The following CSMD1 variants were observed in gnomAD, a reference collection of about 807,000 sequenced individuals.
The protein encoded by CSMD1 is CUB and sushi domain-containing protein 1.
In CSMD1, 213 loss-of-function variants were observed where a neutral mutation model predicts 417.5. That is an observed-to-expected ratio of 0.51 (90% CI 0.46 to 0.57). CSMD1 has a LOEUF of 0.57. CSMD1 is among the 20% of genes least tolerant of loss of function. The pLI, the probability that CSMD1 is intolerant of heterozygous loss-of-function variation, is 0.00. For synonymous variants in CSMD1, 2,862 were observed against 1,736.8 expected (o/e 1.65, Z -16.11); for missense variants, 6,923 against 4,529.7 (o/e 1.53, Z -15.17).
At chr8:3,936,005 A>G (rs997497144) in intron 5 of CSMD1, among the ~76,000 whole-genome samples, 7 of 152,324 alleles carry the variant, frequency 4.6e-5, no homozygotes, top group African/African-American at 1.2e-4. Flanking sequence ...AATGCAAATG[A>G]TAAGAAAGGA....
chr8:3,956,760 G>C (rs927692591), intron 5 of CSMD1, among the ~76,000 whole-genome samples: 1 of 152,086 alleles, frequency 6.6e-6, no homozygotes, highest in East Asian at 1.9e-4. Context: ...CAACTCCAAA[G>C]CTTAGTTTTA....
At chr8:4,492,613 T>G (rs974008843) in intron 2 of CSMD1, among the ~76,000 whole-genome samples, 1 of 152,238 alleles carries the variant, frequency 6.6e-6, no homozygotes, top group Admixed American at 6.5e-5. Context: ...GGTTTAATTA[T>G]GTCCATGAAG....
chr8:4,440,333 G>T (rs576530945), intron 2 of CSMD1, among the ~76,000 whole-genome samples: 1 of 152,144 alleles, frequency 6.6e-6, no homozygotes, highest in African/African-American at 2.4e-5. Flanking sequence ...TAACTGGGAA[G>T]CATGTAAATA....
intron 3 of CSMD1, among the ~76,000 whole-genome samples, chr8:4,194,355 T>G (rs967802016): frequency 5.9e-5 from 9 of 152,180 alleles, no homozygotes; most frequent in African/African-American, 1.7e-4. Context: ...CAGACCTAAT[T>G]TGCCATGTTG....
At chr8:2,977,784 T>A (rs984122055) in intron 55 of CSMD1, among the ~76,000 whole-genome samples, 2 of 152,126 alleles carry the variant, frequency 1.3e-5, no homozygotes, top group African/African-American at 4.8e-5. Context: ...CAGACACTTC[T>A]CAAAAGAAGA....
At chr8:2,978,360 C>T (rs1805111033) in intron 55 of CSMD1, among the ~76,000 whole-genome samples, 1 of 152,286 alleles carries the variant, frequency 6.6e-6, no homozygotes. Context: ...CATCATTGTC[C>T]AAGTGGCATC....
At chr8:3,964,370 T>C (rs1812532562) in intron 5 of CSMD1, among the ~76,000 whole-genome samples, 2 of 152,288 alleles carry the variant, frequency 1.3e-5, no homozygotes, top group South Asian at 4.1e-4. Context: ...TTAATTCACA[T>C]TTGTTTGTAT....
At chr8:3,494,720 G>A (rs1242886726) in intron 10 of CSMD1, among the ~76,000 whole-genome samples, 1 of 152,172 alleles carries the variant, frequency 6.6e-6, no homozygotes, top group Non-Finnish European at 1.5e-5. Flanking sequence ...GATGTAACAA[G>A]AGAGACGCAG....
intron 3 of CSMD1, among the ~76,000 whole-genome samples, chr8:4,135,919 A>G (rs1042341537): frequency 2.6e-5 from 4 of 152,202 alleles, no homozygotes; most frequent in African/African-American, 9.7e-5. Flanking sequence ...AGCATATGTT[A>G]GTTTTCCCTG....
At chr8:4,373,517 G>A (rs529065339) in intron 3 of CSMD1, among the ~76,000 whole-genome samples, 6 of 152,118 alleles carry the variant, frequency 3.9e-5, no homozygotes, top group South Asian at 2.1e-4. Context: ...AAAACTTTCA[G>A]AACTACTGCA....
intron 51 of CSMD1, among the ~76,000 whole-genome samples, chr8:3,027,504 A>T (rs1359500400): frequency 1.3e-5 from 2 of 152,222 alleles, no homozygotes; most frequent in African/African-American, 4.8e-5. Context: ...TAATAAAATC[A>T]TTTTTTTAAA....
intron 7 of CSMD1, among the ~76,000 whole-genome samples, chr8:3,703,234 C>T (rs944109230): frequency 1.3e-5 from 2 of 152,152 alleles, no homozygotes; most frequent in African/African-American, 4.8e-5. Flanking sequence ...CTAAAGACTA[C>T]AGTCGCGCTG....
chr8:4,935,520 G>T (rs1233605173), intron 1 of CSMD1, among the ~76,000 whole-genome samples: 2 of 152,128 alleles, frequency 1.3e-5, no homozygotes, highest in African/African-American at 4.8e-5. Flanking sequence ...ATGAATGAAC[G>T]AATGAATGAA....
At chr8:4,436,320 A>C (rs562099064) in intron 2 of CSMD1, among the ~76,000 whole-genome samples, 1 of 152,280 alleles carries the variant, frequency 6.6e-6, no homozygotes, top group East Asian at 1.9e-4. Context: ...TTGTCACTAT[A>C]AAAGGATACT....
At chr8:3,181,869 A>G (rs906318967) in intron 36 of CSMD1, among the ~76,000 whole-genome samples, 1 of 152,240 alleles carries the variant, frequency 6.6e-6, no homozygotes, top group African/African-American at 2.4e-5. Context: ...GAAAGAAGTA[A>G]TGATGCTGGC....
intron 1 of CSMD1, among the ~76,000 whole-genome samples, chr8:4,982,777 C>A (rs556159239): frequency 6.4e-4 from 97 of 152,282 alleles, no homozygotes; most frequent in African/African-American, 2.3e-3. Flanking sequence ...CTTGGCTATA[C>A]TTTTTATACT....
intron 5 of CSMD1, among the ~76,000 whole-genome samples, chr8:3,784,085 G>C (rs1483745331): frequency 6.6e-6 from 1 of 152,116 alleles, no homozygotes; most frequent in African/African-American, 2.4e-5. Flanking sequence ...AAAATGCTTC[G>C]GAAAACATTA....
chr8:3,789,727 T>TA (rs1799628847), intron 5 of CSMD1, among the ~76,000 whole-genome samples: 1 of 15,140 alleles, frequency 6.6e-5, no homozygotes, highest in South Asian at 2.8e-3. Context: ...TCATGGTTAA[T>TA]TTTTTTTTTT....
intron 1 of CSMD1, among the ~76,000 whole-genome samples, chr8:4,788,914 G>C (rs942231305): frequency 6.6e-6 from 1 of 152,158 alleles, no homozygotes; most frequent in Non-Finnish European, 1.5e-5. Flanking sequence ...GTTGGAGGTT[G>C]GCAGCATATG....
Sources: gnomAD v4.1 joint callset for allele counts (sites outside exome capture counted in the v4.1 genomes callset) on GRCh38, gnomAD v4.1.1 for gene constraint, MANE v1.5 for transcripts, NCBI Gene and HGNC (gene_info 2026-07-23, HGNC 2026-07-21) for gene names.